Variants in SOX5 observed in about 807,000 individuals in gnomAD.
The protein encoded by SOX5 is SRY-box transcription factor 5, also known as transcription factor SOX-5.
A neutral mutation model predicts 92.0 loss-of-function variants in SOX5; 9 were observed. The ratio of observed to expected loss-of-function variants is 0.10; its 90% CI spans 0.06 to 0.17. The LOEUF (loss-of-function observed/expected upper bound fraction) is 0.17. SOX5 is among the 10% of genes least tolerant of loss of function. The probability of loss-of-function intolerance (pLI) is 1.00; values close to 1 mark genes in which losing one functional copy is unlikely to be tolerated. For synonymous variants in SOX5, 344 were observed against 336.3 expected, an observed-to-expected ratio of 1.02 and a Z score of -0.25; for missense variants, 642 against 944.5, an observed-to-expected ratio of 0.68 and a Z score of 4.20.
At chr12:23,688,705 T>C (rs1593297200) in intron 6 of SOX5, among the ~76,000 whole-genome samples, 1 of 152,256 alleles carries the variant, frequency 6.6e-6, no homozygotes, top group East Asian at 1.9e-4. Context: ...TTTGCCATTT[T>C]TGTAGGAATC....
chr12:24,099,417 T>C (rs1196477127), intron 4 of SOX5, among the ~76,000 whole-genome samples: 2 of 152,186 alleles, frequency 1.3e-5, no homozygotes, highest in Non-Finnish European at 2.9e-5. Flanking sequence ...CTTCAGCAGA[T>C]CATACAGGAG....
At chr12:23,559,397 A>G (rs74748066) in intron 11 of SOX5, among the ~76,000 whole-genome samples, 1,750 of 152,332 alleles carry the variant, frequency 0.011, 37 homozygotes, top group African/African-American at 0.04. Context: ...ACAATTATAA[A>G]TAACACTGTG....
chr12:24,481,942 T>G (rs1362678244), intron 1 of SOX5, among the ~76,000 whole-genome samples: 1 of 152,220 alleles, frequency 6.6e-6, no homozygotes, highest in Non-Finnish European at 1.5e-5. Flanking sequence ...CTGCTTAATG[T>G]GATCTGGGAG....
intron 2 of SOX5, among the ~76,000 whole-genome samples, chr12:24,353,019 G>C (rs753485638): frequency 2.0e-5 from 3 of 152,176 alleles, no homozygotes; most frequent in Non-Finnish European, 2.9e-5. Context: ...GGTGCAACCA[G>C]AAAGAGCCTT....
chr12:23,583,377 A>G (rs534309483), intron 9 of SOX5, among the ~76,000 whole-genome samples: 4 of 152,260 alleles, frequency 2.6e-5, no homozygotes, highest in Admixed American at 2.0e-4. Context: ...AAACCCACTC[A>G]TAGAAATTCC....
At chr12:23,680,230 G>A (rs1345661673) in intron 6 of SOX5, among the ~76,000 whole-genome samples, 5 of 149,066 alleles carry the variant, frequency 3.4e-5, no homozygotes, top group Admixed American at 6.8e-5. Context: ...GGAGGCTGAG[G>A]CATGAGAATA....
chr12:23,547,571 ATGCT>A (rs537203344), intron 11 of SOX5, among the ~76,000 whole-genome samples: 154 of 152,234 alleles, frequency 1.0e-3, no homozygotes, highest in African/African-American at 3.6e-3. Context: ...AACACAGTAC[ATGCT>A]TTATCTCAAT....
chr12:23,737,916 C>T (rs545584795), intron 5 of SOX5, among the ~76,000 whole-genome samples: 78 of 151,398 alleles, frequency 5.2e-4, no homozygotes, highest in Non-Finnish European at 9.2e-4. Context: ...TTTAAAAGAA[C>T]ATATTCCCAT....
intron 2 of SOX5, among the ~76,000 whole-genome samples, chr12:24,364,639 A>G (rs1955985735): frequency 6.6e-6 from 1 of 150,952 alleles, no homozygotes; most frequent in Non-Finnish European, 1.5e-5. Flanking sequence ...GAGAGAATCA[A>G]TTCCCTAGCT....
intron 1 of SOX5, among the ~76,000 whole-genome samples, chr12:24,509,526 A>T (rs753420933): frequency 1.8e-4 from 28 of 152,200 alleles, no homozygotes; most frequent in Non-Finnish European, 2.2e-4. Flanking sequence ...AATAAATAAG[A>T]TATACTAATA....
At chr12:23,954,576 T>C (rs927959896), upstream of SOX5, among the ~76,000 whole-genome samples, 2 of 152,042 alleles carry the variant, frequency 1.3e-5, no homozygotes, top group African/African-American at 4.8e-5. Context: ...ACTCTTAGAC[T>C]AGTGTCTTGT....
chr12:24,204,556 T>C (rs1957842979), intron 4 of SOX5, among the ~76,000 whole-genome samples: 1 of 152,130 alleles, frequency 6.6e-6, no homozygotes, highest in Non-Finnish European at 1.5e-5. Flanking sequence ...CTCAAACTCC[T>C]GCCCTCAAGT....
intron 4 of SOX5, among the ~76,000 whole-genome samples, chr12:24,183,256 C>T (rs10771068): frequency 0.89 from 135,814 of 152,214 alleles, 60,739 homozygotes; most frequent in East Asian, 0.98. Flanking sequence ...GAATTATCTT[C>T]CAAAACCTCA....
At chr12:24,060,917 C>T (rs1939560888) in intron 4 of SOX5, among the ~76,000 whole-genome samples, 1 of 152,118 alleles carries the variant, frequency 6.6e-6, no homozygotes, top group South Asian at 2.1e-4. Flanking sequence ...ATGCTTAAAG[C>T]TAGGAAGTTC....
At chr12:23,717,366 A>G (rs2092567187) in intron 6 of SOX5, among the ~76,000 whole-genome samples, 1 of 152,190 alleles carries the variant, frequency 6.6e-6, no homozygotes, top group Admixed American at 6.5e-5. Flanking sequence ...TGTAGCAAAT[A>G]TAGTCTGTAT....
chr12:23,548,594 A>G lies in SOX5; in HGVS notation c.1489-2170T>C, dbSNP rs79209617. On this transcript the variant is annotated intron_variant, in intron 11 of 14. Coordinates refer to ENST00000451604, the MANE Select transcript of SOX5 (RefSeq NM_006940.6). ...ATGGAGAATGTGAGGTATGCCTTTA[A>G]TTAAAACAGATTATAACAGCATGCA... Among the ~76,000 whole-genome samples, 12 of 152,132 alleles carry G rather than the reference A, an allele frequency of 7.9e-5. No homozygotes were observed. In the East Asian group the frequency reaches 2.3e-3, roughly 29 times the overall value.
intron 2 of SOX5, among the ~76,000 whole-genome samples, chr12:24,317,145 A>T (rs1949768029): frequency 6.6e-6 from 1 of 152,238 alleles, no homozygotes; most frequent in South Asian, 2.1e-4. Flanking sequence ...ACAATTGACA[A>T]TTGTGTTTAA....
At chr12:23,975,206 G>A (rs1948767902) in intron 4 of SOX5, among the ~76,000 whole-genome samples, 1 of 152,038 alleles carries the variant, frequency 6.6e-6, no homozygotes, top group Admixed American at 6.6e-5. Flanking sequence ...ATATTAAAAT[G>A]TTGCATAGCA....
intron 1 of SOX5, among the ~76,000 whole-genome samples, chr12:24,453,444 C>A (rs139325980): frequency 1.9e-3 from 290 of 152,234 alleles, no homozygotes; most frequent in African/African-American, 6.4e-3. Flanking sequence ...ATACCTACAC[C>A]AACCATTGAG....
Sources: gnomAD v4.1 joint callset for allele counts (sites outside exome capture counted in the v4.1 genomes callset) on GRCh38, gnomAD v4.1.1 for gene constraint, MANE v1.5 for transcripts, NCBI Gene and HGNC (gene_info 2026-07-23, HGNC 2026-07-21) for gene names.